HCN1: variants seen among roughly 807,000 people sequenced by gnomAD.
HCN1 encodes the protein potassium/sodium hyperpolarization-activated cyclic nucleotide-gated channel 1.
In HCN1, 13 loss-of-function variants were observed where a neutral mutation model predicts 78.9. The observed-to-expected ratio is 0.16, with a 90% confidence interval of 0.11 to 0.26. The LOEUF (loss-of-function observed/expected upper bound fraction) is 0.26, where lower values mean the gene tolerates loss of function less well. HCN1 is among the 10% of genes least tolerant of loss of function. The pLI, the probability that HCN1 is intolerant of heterozygous loss-of-function variation, is 1.00. For synonymous variants in HCN1, 552 were observed against 455.5 expected (o/e 1.21, Z -2.70); for missense variants, 810 against 1,154.3 (o/e 0.70, Z 4.32).
intron 2 of HCN1, among the ~76,000 whole-genome samples, chr5:45,631,893 T>G (rs1462350532): frequency 6.6e-6 from 1 of 152,184 alleles, no homozygotes; most frequent in African/African-American, 2.4e-5. Flanking sequence ...CATTTGCTTT[T>G]CATGTCAAAT....
chr5:45,375,237 T>C (rs992918956), intron 4 of HCN1, among the ~76,000 whole-genome samples: 3 of 119,318 alleles, frequency 2.5e-5, no homozygotes, highest in African/African-American at 1.0e-4. Context: ...TTATAATATA[T>C]AATATATTAT....
chr5:45,406,410 T>C (rs1739925122), intron 3 of HCN1, among the ~76,000 whole-genome samples: 1 of 152,208 alleles, frequency 6.6e-6, no homozygotes, highest in Admixed American at 6.5e-5. Flanking sequence ...GGTACTATTA[T>C]AACATCATCT....
At chr5:45,417,103 G>A (rs1368291687) in intron 3 of HCN1, among the ~76,000 whole-genome samples, 2 of 151,898 alleles carry the variant, frequency 1.3e-5, no homozygotes, top group African/African-American at 4.8e-5. Flanking sequence ...AGAACATTCA[G>A]ATGTGGTTTT....
intron 3 of HCN1, among the ~76,000 whole-genome samples, chr5:45,453,546 T>C (rs1740966206): frequency 6.6e-6 from 1 of 152,112 alleles, no homozygotes; most frequent in East Asian, 1.9e-4. Context: ...CATGGTTGTT[T>C]TCTATAAACA....
intron 4 of HCN1, among the ~76,000 whole-genome samples, chr5:45,380,829 G>A (rs768337041): frequency 1.3e-5 from 2 of 152,084 alleles, no homozygotes; most frequent in African/African-American, 2.4e-5. Flanking sequence ...CTGGAACCAC[G>A]AGATAAGACA....
At position 45,677,077 on chromosome 5, in the gene HCN1, T is replaced by C. The variant is rs180824796; in HGVS notation, c.425+18592A>G. ...CCTGAAACATGTGGCTAATTCCTATTTGTCTTTGAATTCTAAGTTCAACTC... is the reference window on the plus strand; with the variant it reads ...CCTGAAACATGTGGCTAATTCCTATCTGTCTTTGAATTCTAAGTTCAACTC... On this transcript the variant is annotated intron_variant, in intron 1 of 7. Transcript: ENST00000303230. 7.2e-5 allele frequency among the ~76,000 whole-genome samples: 11 copies of C among 151,962 alleles called. No homozygotes were observed. In the East Asian group the frequency reaches 1.9e-3, roughly 27 times the overall value.
intron 2 of HCN1, among the ~76,000 whole-genome samples, chr5:45,482,788 C>A (rs1741681028): frequency 6.6e-6 from 1 of 152,080 alleles, no homozygotes. Context: ...TCCACAGGGC[C>A]TATTGTTTGC....
At chr5:45,367,525 G>T (rs1747260152) in intron 4 of HCN1, among the ~76,000 whole-genome samples, 1 of 151,862 alleles carries the variant, frequency 6.6e-6, no homozygotes, top group Admixed American at 6.6e-5. Context: ...CATGATGCAT[G>T]ATGTTACCAG....
At chr5:45,652,151 A>G (rs1198357457) in intron 1 of HCN1, among the ~76,000 whole-genome samples, 2 of 152,050 alleles carry the variant, frequency 1.3e-5, no homozygotes, top group Admixed American at 1.3e-4. Context: ...TTGTGTACCA[A>G]TCCAAGCAAA....
chr5:45,625,333 A>C (rs1228213231), intron 2 of HCN1, among the ~76,000 whole-genome samples: 1 of 151,744 alleles, frequency 6.6e-6, no homozygotes, highest in Non-Finnish European at 1.5e-5. Flanking sequence ...AAAACAAAAA[A>C]AACTATTAAT....
chr5:45,413,999 G>A lies in HCN1; in HGVS notation c.1012-17289C>T, dbSNP rs115977531. On this transcript the variant is annotated intron_variant, in intron 3 of 7. Coordinates refer to ENST00000303230, the MANE Select transcript of HCN1 (RefSeq NM_021072.4). ...TCAACAAATTGTTGCCAAAGTGTAA[G>A]AAAAAACAGTAAATACCTGAACTTT... Among the ~76,000 whole-genome samples, 1,052 of 151,916 alleles carry A rather than the reference G, an allele frequency of 6.9e-3. 16 individuals carry two copies. The highest frequency in any genetic ancestry group is 0.024 in the African/African-American group (1,001 of 41,470).
intron 2 of HCN1, among the ~76,000 whole-genome samples, chr5:45,625,143 A>G (rs1420038587): frequency 6.6e-6 from 1 of 152,024 alleles, no homozygotes; most frequent in Non-Finnish European, 1.5e-5. Flanking sequence ...TCTCTACTAA[A>G]AATACAAAAA....
intron 3 of HCN1, among the ~76,000 whole-genome samples, chr5:45,410,975 G>T (rs1740010688): frequency 6.6e-6 from 1 of 152,048 alleles, no homozygotes; most frequent in Admixed American, 6.6e-5. Flanking sequence ...ACTTCACAGA[G>T]AATTCAAATA....
At chr5:45,514,137 C>G (rs1742474488) in intron 2 of HCN1, among the ~76,000 whole-genome samples, 1 of 152,032 alleles carries the variant, frequency 6.6e-6, no homozygotes, top group Non-Finnish European at 1.5e-5. Context: ...TGAAATTTCT[C>G]AAAATTTCTT....
At chr5:45,622,201 GT>G (rs1745080891) in intron 2 of HCN1, among the ~76,000 whole-genome samples, 1 of 150,750 alleles carries the variant, frequency 6.6e-6, no homozygotes, top group Non-Finnish European at 1.5e-5. Flanking sequence ...GGGAGACTTC[GT>G]CTTAAAAAAA....
chr5:45,693,319 CAGTTTG>C (rs1739949628), intron 1 of HCN1, among the ~76,000 whole-genome samples: 1 of 151,766 alleles, frequency 6.6e-6, no homozygotes, highest in African/African-American at 2.4e-5. Flanking sequence ...ATTATTTTTG[CAGTTTG>C]TTTTAGAACA....
At chr5:45,267,773 GACA>G (rs773674416) in intron 6 of HCN1, among the ~76,000 whole-genome samples, 30 of 151,778 alleles carry the variant, frequency 2.0e-4, no homozygotes, top group Admixed American at 1.4e-3. Context: ...TCTCAAAAAA[GACA>G]ACAACAACAA....
At chr5:45,507,250 T>C (rs1020396498) in intron 2 of HCN1, among the ~76,000 whole-genome samples, 9 of 152,228 alleles carry the variant, frequency 5.9e-5, no homozygotes. Context: ...CTCCATAGTC[T>C]CTGCCCTTTT....
intron 4 of HCN1, among the ~76,000 whole-genome samples, chr5:45,380,661 A>C (rs1451386941): frequency 2.6e-5 from 4 of 152,132 alleles, no homozygotes; most frequent in Non-Finnish European, 5.9e-5. Flanking sequence ...CTTCATGGCC[A>C]TGACACCTAA....
Sources: gnomAD v4.1 joint callset for allele counts (sites outside exome capture counted in the v4.1 genomes callset) on GRCh38, gnomAD v4.1.1 for gene constraint, MANE v1.5 for transcripts, NCBI Gene and HGNC (gene_info 2026-07-23, HGNC 2026-07-21) for gene names.